CNTN5: variants seen among roughly 807,000 people sequenced by gnomAD.
The protein encoded by CNTN5 is contactin 5.
Under a neutral mutation model 129.1 loss-of-function variants are expected in CNTN5, and 77 were observed. The observed-to-expected ratio is 0.60, with a 90% confidence interval of 0.50 to 0.72. The LOEUF (loss-of-function observed/expected upper bound fraction) is 0.72. Among genes scored for constraint, CNTN5 ranks in the 30% least tolerant of loss-of-function variants. CNTN5 has a pLI of 0.00. For missense variants in CNTN5, 1,478 were observed against 1,328.8 expected (o/e 1.11, Z -1.75); for synonymous variants, 509 against 465.6 (o/e 1.09, Z -1.20).
chr11:99,373,689 G>A (rs1210779678), intron 2 of CNTN5, among the ~76,000 whole-genome samples: 1 of 131,272 alleles, frequency 7.6e-6, no homozygotes, highest in Non-Finnish European at 1.6e-5. Flanking sequence ...TTCCAGCCTG[G>A]GAAACGAGGA....
chr11:99,748,114 GT>G (rs937333429), intron 3 of CNTN5, among the ~76,000 whole-genome samples: 2 of 151,960 alleles, frequency 1.3e-5, no homozygotes, highest in South Asian at 2.1e-4. Flanking sequence ...GAGTTTGCTA[GT>G]TTTTTTGTTG....
At chr11:99,521,786 G>A (rs182064261) in intron 2 of CNTN5, among the ~76,000 whole-genome samples, 3 of 152,048 alleles carry the variant, frequency 2.0e-5, no homozygotes, top group Non-Finnish European at 2.9e-5. Context: ...TCTTTTCCTC[G>A]CATTTTGCTT....
chr11:99,870,393 A>C (rs2135808685), intron 6 of CNTN5, among the ~76,000 whole-genome samples: 1 of 152,258 alleles, frequency 6.6e-6, no homozygotes, highest in Non-Finnish European at 1.5e-5. Context: ...CAATAATATA[A>C]TATAAATAAT....
intron 2 of CNTN5, among the ~76,000 whole-genome samples, chr11:99,445,605 T>C (rs994589554): frequency 7.9e-5 from 12 of 152,192 alleles, no homozygotes; most frequent in African/African-American, 2.7e-4. Context: ...TTACATTGGA[T>C]TTACTCTCTT....
intron 2 of CNTN5, among the ~76,000 whole-genome samples, chr11:99,552,071 C>G (rs922437868): frequency 2.0e-5 from 3 of 151,924 alleles, no homozygotes; most frequent in African/African-American, 4.8e-5. Flanking sequence ...CCAGGCCTAG[C>G]TAATTTCTGT....
chr11:99,288,960 A>G (rs1336712951), intron 1 of CNTN5, among the ~76,000 whole-genome samples: 1 of 151,798 alleles, frequency 6.6e-6, no homozygotes, highest in Non-Finnish European at 1.5e-5. Context: ...TGGTTCCTAG[A>G]TCCTCACAGA....
chr11:99,849,774 C>T (rs1490164021), intron 6 of CNTN5, among the ~76,000 whole-genome samples: 50 of 152,108 alleles, frequency 3.3e-4, no homozygotes, highest in Admixed American at 2.8e-3. Flanking sequence ...AACCAACATA[C>T]GATTTGTTCA....
At chr11:100,190,728 TG>T (rs1329707097) in intron 13 of CNTN5, among the ~76,000 whole-genome samples, 9 of 52,002 alleles carry the variant, frequency 1.7e-4, no homozygotes, top group Admixed American at 2.9e-4. Context: ...GTTTTTATGC[TG>T]TTTTTTTTTT....
chr11:99,529,870 G>C (rs1170860857), intron 2 of CNTN5, among the ~76,000 whole-genome samples: 3 of 152,116 alleles, frequency 2.0e-5, no homozygotes, highest in Non-Finnish European at 4.4e-5. Context: ...TGAAAAACCA[G>C]TGAAATAAGA....
chr11:99,821,719 C>G (rs759138965), intron 4 of CNTN5, among the ~76,000 whole-genome samples: 5 of 151,984 alleles, frequency 3.3e-5, no homozygotes. Context: ...CAGATAAAAC[C>G]CTCATTAAAA....
intron 1 of CNTN5, among the ~76,000 whole-genome samples, chr11:99,080,121 T>G (rs1008541201): frequency 5.3e-5 from 8 of 152,182 alleles, no homozygotes; most frequent in African/African-American, 1.9e-4. Flanking sequence ...GGTAAATTGT[T>G]TATTATTGAT....
chr11:100,017,327 G>T, intron 9 of CNTN5, among the ~76,000 whole-genome samples: 1 of 152,118 alleles, frequency 6.6e-6, no homozygotes, highest in African/African-American at 2.4e-5. Context: ...TCTGTTGAGA[G>T]AAAGCATAGA....
intron 9 of CNTN5, among the ~76,000 whole-genome samples, chr11:100,004,352 C>G (rs776547950): frequency 6.6e-6 from 1 of 152,134 alleles, no homozygotes; most frequent in Admixed American, 6.6e-5. Flanking sequence ...TGGGATCTCT[C>G]TCCCCCTGTT....
At position 99,140,065 on chromosome 11, in the gene CNTN5, C is replaced by A. The variant is rs549854531; in HGVS notation, c.-210+118795C>A. ...CAACATTAATTTTGAATATAAAGGC[C>A]TAATTAAGTAAATAAAACATAATGA... On this transcript the variant is annotated intron_variant, in intron 1 of 24. Transcript: ENST00000524871. Among the ~76,000 whole-genome samples the A allele has an allele frequency of 2.0e-5, 3 of 151,842 alleles. No homozygotes were observed. The East Asian group carries it at 5.8e-4, about 29-fold the overall frequency.
intron 8 of CNTN5, among the ~76,000 whole-genome samples, chr11:99,985,993 CTCAATT>C (rs1483649339): frequency 6.6e-6 from 1 of 152,180 alleles, no homozygotes; most frequent in East Asian, 1.9e-4. Flanking sequence ...TCATCACAAT[CTCAATT>C]TCAAGTAAGC....
intron 18 of CNTN5, among the ~76,000 whole-genome samples, chr11:100,286,116 G>A (rs1312492787): frequency 3.9e-5 from 6 of 152,226 alleles, no homozygotes; most frequent in South Asian, 2.1e-4. Flanking sequence ...CGCCCACGGA[G>A]TCTCGCTGAT....
At chr11:99,515,185 T>C (rs1442862407) in intron 2 of CNTN5, among the ~76,000 whole-genome samples, 1 of 152,104 alleles carries the variant, frequency 6.6e-6, no homozygotes, top group Non-Finnish European at 1.5e-5. Flanking sequence ...ATGTATTTTT[T>C]ATAAAAGAAG....
At chr11:100,248,324 T>C (rs987591850) in intron 16 of CNTN5, among the ~76,000 whole-genome samples, 1 of 152,080 alleles carries the variant, frequency 6.6e-6, no homozygotes, top group African/African-American at 2.4e-5. Context: ...AGTTTGGGAC[T>C]GCTTGAGGCC....
chr11:99,541,697 C>T (rs1444629186), intron 2 of CNTN5, among the ~76,000 whole-genome samples: 4 of 152,014 alleles, frequency 2.6e-5, no homozygotes, highest in African/African-American at 9.7e-5. Context: ...ACCTGTAATC[C>T]CAACACTATG....
Sources: allele counts gnomAD v4.1 joint callset (sites outside exome capture counted in the v4.1 genomes callset), GRCh38; gene constraint gnomAD v4.1.1; transcripts MANE v1.5; gene names NCBI Gene and HGNC (gene_info 2026-07-23, HGNC 2026-07-21).